DOCK3: variants seen among roughly 807,000 people sequenced by gnomAD.
DOCK3 encodes dedicator of cytokinesis protein 3.
In DOCK3, 60 loss-of-function variants were observed where a neutral mutation model predicts 265.6. The observed-to-expected ratio is 0.23, with a 90% CI of 0.18 to 0.28. The LOEUF is 0.28. Ranked by LOEUF, DOCK3 falls within the 10% of genes least tolerant of loss-of-function variation. The pLI is 1.00. For synonymous variants in DOCK3, 881 were observed against 938.0 expected (o/e 0.94, Z 1.11); for missense variants, 1,981 against 2,594.3 (o/e 0.76, Z 5.14).
intron 9 of DOCK3, among the ~76,000 whole-genome samples, chr3:51,142,897 T>A (rs532803172): frequency 6.6e-6 from 1 of 152,296 alleles, no homozygotes; most frequent in African/African-American, 2.4e-5. Flanking sequence ...ATTCTTCTTT[T>A]TTTTTTGAGA....
At chr3:51,311,021 C>T (rs891205678) in intron 28 of DOCK3, among the ~76,000 whole-genome samples, 10 of 152,208 alleles carry the variant, frequency 6.6e-5, no homozygotes, top group Non-Finnish European at 1.0e-4. Context: ...CTTTTATAAG[C>T]ACTGTAACTT....
chr3:50,786,968 T>A (rs2042215573), intron 2 of DOCK3: 1 of 739,910 alleles, frequency 1.4e-6, no homozygotes, highest in Non-Finnish European at 2.5e-6. Context: ...GTCTTTCATG[T>A]GTGCAACCAT....
intron 9 of DOCK3, among the ~76,000 whole-genome samples, chr3:51,131,304 C>T (rs2084523676): frequency 6.6e-6 from 1 of 152,164 alleles, no homozygotes; most frequent in Non-Finnish European, 1.5e-5. Flanking sequence ...CCCCTGGAAT[C>T]CACATCAGCT....
intron 12 of DOCK3, among the ~76,000 whole-genome samples, chr3:51,178,373 C>T (rs1170750055): frequency 6.6e-6 from 1 of 152,180 alleles, no homozygotes; most frequent in Admixed American, 6.5e-5. Context: ...CTCCTTCAGC[C>T]TCAGAATCCC....
chr3:50,769,095 C>T (rs1244753109), intron 1 of DOCK3, among the ~76,000 whole-genome samples: 1 of 149,050 alleles, frequency 6.7e-6, no homozygotes, highest in East Asian at 2.0e-4. Flanking sequence ...TTTTTGCTAC[C>T]GAGTTGAGTT....
chr3:50,719,050 C>T (rs1298994665), intron 1 of DOCK3, among the ~76,000 whole-genome samples: 3 of 152,058 alleles, frequency 2.0e-5, no homozygotes, highest in Admixed American at 6.5e-5. Flanking sequence ...TCCCAAAGTG[C>T]TGGGATTACA....
chr3:50,741,990 C>G (rs936417923), intron 1 of DOCK3, among the ~76,000 whole-genome samples: 1 of 152,136 alleles, frequency 6.6e-6, no homozygotes, highest in African/African-American at 2.4e-5. Flanking sequence ...GATGGTATCT[C>G]ATTGTGGTTT....
At chr3:50,696,456 G>A (rs1323324441) in intron 1 of DOCK3, among the ~76,000 whole-genome samples, 4 of 152,204 alleles carry the variant, frequency 2.6e-5, no homozygotes, top group African/African-American at 9.6e-5. Flanking sequence ...AGTAGGATGT[G>A]CTGTAGGAGT....
chr3:50,679,977 A>G (rs1379028435), intron 1 of DOCK3, among the ~76,000 whole-genome samples: 1 of 152,184 alleles, frequency 6.6e-6, no homozygotes, highest in African/African-American at 2.4e-5. Flanking sequence ...GCTGAGAGAA[A>G]TTAAGTAACT....
At chr3:51,000,160 G>T (rs1172010706) in intron 5 of DOCK3, among the ~76,000 whole-genome samples, 1 of 152,036 alleles carries the variant, frequency 6.6e-6, no homozygotes, top group Admixed American at 6.6e-5. Context: ...TTTGCTTCTG[G>T]ACCTTGAATG....
intron 40 of DOCK3, among the ~76,000 whole-genome samples, chr3:51,351,948 C>A (rs139382235): frequency 6.6e-6 from 1 of 152,178 alleles, no homozygotes; most frequent in East Asian, 1.9e-4. Context: ...TGAGCCAATG[C>A]GCCCAGCCAG....
Position 50,986,674 on chromosome 3 carries a change from C to T in DOCK3, c.315+52597C>T, listed in dbSNP as rs556575033. Among the ~76,000 whole-genome samples, 287 of 152,208 alleles carry T rather than the reference C, an allele frequency of 1.9e-3. 2 individuals carry two copies. Among genetic ancestry groups the T allele is most frequent in the African/African-American group, 6.5e-3 (272 of 41,538 alleles). On this transcript the variant is annotated intron_variant, in intron 5 of 52. Transcript: ENST00000266037. ...ATTATACCGAATCTTTTATTTCTGCCTCACACCTGGCATGTTTTATATTTT... is the reference window on the plus strand; with the variant it reads ...ATTATACCGAATCTTTTATTTCTGCTTCACACCTGGCATGTTTTATATTTT...
intron 5 of DOCK3, among the ~76,000 whole-genome samples, chr3:51,041,405 G>C (rs2109032632): frequency 6.6e-6 from 1 of 150,890 alleles, no homozygotes; most frequent in East Asian, 2.0e-4. Flanking sequence ...TTTTAGTAGA[G>C]ACGGGGTTTC....
chr3:50,705,648 C>G (rs1440950488), intron 1 of DOCK3, among the ~76,000 whole-genome samples: 1 of 151,796 alleles, frequency 6.6e-6, no homozygotes. Flanking sequence ...ATCTCCTGAC[C>G]TCTTGATCTG....
chr3:51,109,218 A>G (rs1238911572), intron 9 of DOCK3, among the ~76,000 whole-genome samples: 2 of 152,246 alleles, frequency 1.3e-5, no homozygotes, highest in African/African-American at 4.8e-5. Context: ...CAAGAATAGG[A>G]AAATCTCTCA....
At chr3:50,819,076 T>C (rs1304000937) in intron 2 of DOCK3, among the ~76,000 whole-genome samples, 1 of 152,206 alleles carries the variant, frequency 6.6e-6, no homozygotes, top group South Asian at 2.1e-4. Flanking sequence ...CCAAACTGCA[T>C]GAGTTTGTTG....
chr3:50,846,227 AG>A (rs1025033340), intron 3 of DOCK3, among the ~76,000 whole-genome samples: 2 of 152,222 alleles, frequency 1.3e-5, no homozygotes, highest in Non-Finnish European at 2.9e-5. Flanking sequence ...TTTTAAAAAC[AG>A]GGGTAATTAA....
chr3:50,747,598 T>C (rs570480910), intron 1 of DOCK3, among the ~76,000 whole-genome samples: 1 of 152,304 alleles, frequency 6.6e-6, no homozygotes, highest in South Asian at 2.1e-4. Context: ...GCGTGGTGGC[T>C]CATACCTGCA....
intron 1 of DOCK3, among the ~76,000 whole-genome samples, chr3:50,752,116 G>T (rs1036200964): frequency 1.3e-5 from 2 of 152,048 alleles, no homozygotes; most frequent in African/African-American, 2.4e-5. Context: ...TGCTTCATAG[G>T]GAAGGTTGTC....
Sources: allele counts gnomAD v4.1 joint callset (sites outside exome capture counted in the v4.1 genomes callset), GRCh38; gene constraint gnomAD v4.1.1; transcripts MANE v1.5; gene names NCBI Gene and HGNC (gene_info 2026-07-23, HGNC 2026-07-21).